TMEM132C: variants seen among roughly 807,000 people sequenced by gnomAD.
TMEM132C encodes the protein transmembrane protein 132C, also known as protein phosphatase 1, regulatory subunit 152.
Under a neutral mutation model 61.4 loss-of-function variants are expected in TMEM132C, and 29 were observed. That is an observed-to-expected ratio of 0.47 (90% CI 0.35 to 0.64). The LOEUF (loss-of-function observed/expected upper bound fraction) is 0.64, where lower values mean the gene tolerates loss of function less well. Ranked by LOEUF, TMEM132C falls within the 30% of genes least tolerant of loss-of-function variation. TMEM132C has a pLI of 0.00. For synonymous variants in TMEM132C, 656 were observed against 633.1 expected (o/e 1.04, Z -0.54); for missense variants, 1,408 against 1,476.9 (o/e 0.95, Z 0.76).
chr12:128,683,461 G>A (rs772679309), intron 5 of TMEM132C, among the ~76,000 whole-genome samples: 2 of 152,126 alleles, frequency 1.3e-5, no homozygotes, highest in African/African-American at 2.4e-5. Context: ...AGGCCCTCAC[G>A]CAGTGTAAGT....
At position 128,290,957 on chromosome 12, in the gene TMEM132C, C is replaced by A. The variant is rs569137645; in HGVS notation, c.85+23470C>A. On this transcript the variant is annotated intron_variant, in intron 1 of 8. Transcript: ENST00000435159. ...GAATTCTGATGTATACATATCCCAC[C>A]CCTCCCAGTTGAGAATTGCTGGTCC... Among the ~76,000 whole-genome samples the A allele has an allele frequency of 7.2e-4, 110 of 152,194 alleles. 1 individual carries two copies. Among genetic ancestry groups the A allele is most frequent in the African/African-American group, 2.6e-3 (107 of 41,528 alleles).
rs192316688 is a variant in TMEM132C at position 128,420,717 on chromosome 12, A to C, written c.974+5097A>C. On this transcript the variant is annotated intron_variant, in intron 2 of 8. Transcript: ENST00000435159. ...ATTAAATTTAAAGCTAGGACTGATGAGATTTGTGGGCACACTTGTGTGAAG... is the reference window on the plus strand; with the variant it reads ...ATTAAATTTAAAGCTAGGACTGATGCGATTTGTGGGCACACTTGTGTGAAG... Among the ~76,000 whole-genome samples, 449 of 152,252 alleles carry C rather than the reference A, an allele frequency of 2.9e-3. 1 individual carries two copies. Among genetic ancestry groups the C allele is most frequent in the Middle Eastern group, 0.027 (8 of 294 alleles).
rs995487561 is a variant in TMEM132C at position 128,278,649 on chromosome 12, T to C, written c.85+11162T>C. ...AAGCCTACAAACATCAGCTTTTTAC[T>C]AAACCCCGGTGGTCAGGGTGTCCAT... On this transcript the variant is annotated intron_variant, in intron 1 of 8. Coordinates refer to ENST00000435159, the MANE Select transcript of TMEM132C (RefSeq NM_001136103.3). The surrounding 1 kb of genome is among the most constrained non-coding windows in gnomAD (Gnocchi z 4.2). Among the ~76,000 whole-genome samples, 7 of 152,158 alleles carry C rather than the reference T, an allele frequency of 4.6e-5. 1 individual carries two copies. Among genetic ancestry groups the C allele is most frequent in the African/African-American group, 1.7e-4 (7 of 41,424 alleles).
chr12:128,401,548 G>A (rs1219914359), intron 1 of TMEM132C, among the ~76,000 whole-genome samples: 1 of 152,180 alleles, frequency 6.6e-6, no homozygotes, highest in African/African-American at 2.4e-5. Flanking sequence ...ATGCAGATTG[G>A]ACATTGTGAT....
intron 1 of TMEM132C, among the ~76,000 whole-genome samples, chr12:128,375,051 G>T (rs1874151744): frequency 6.6e-6 from 1 of 151,786 alleles, no homozygotes; most frequent in Admixed American, 6.6e-5. Flanking sequence ...GGGGTGGGGG[G>T]TATCCTGTGT....
intron 1 of TMEM132C, among the ~76,000 whole-genome samples, chr12:128,296,122 G>A (rs1871407128): frequency 6.6e-6 from 1 of 152,162 alleles, no homozygotes; most frequent in Non-Finnish European, 1.5e-5. Context: ...GATTTGAGAT[G>A]CAAAGCTTTT....
intron 2 of TMEM132C, among the ~76,000 whole-genome samples, chr12:128,513,889 G>A (rs973591585): frequency 3.9e-5 from 6 of 152,134 alleles, no homozygotes; most frequent in Non-Finnish European, 7.3e-5. Flanking sequence ...TGATCAAGAC[G>A]GAGCCTGTTC....
intron 3 of TMEM132C, among the ~76,000 whole-genome samples, chr12:128,567,473 C>T (rs1874741369): frequency 6.9e-6 from 1 of 145,158 alleles, no homozygotes; most frequent in African/African-American, 2.7e-5. Flanking sequence ...CACACACACA[C>T]ACAACTGGTA....
chr12:128,683,538 G>A (rs760253481), intron 5 of TMEM132C, among the ~76,000 whole-genome samples: 31 of 152,282 alleles, frequency 2.0e-4, no homozygotes, highest in South Asian at 1.2e-3. Flanking sequence ...ACTCCTGTTC[G>A]CTGTGAGACC....
At chr12:128,340,856 T>TCTTCCTTC (rs761084729) in intron 1 of TMEM132C, among the ~76,000 whole-genome samples, 57 of 147,370 alleles carry the variant, frequency 3.9e-4, no homozygotes, top group Admixed American at 6.0e-4. Flanking sequence ...TCTCTTTCTT[T>TCTTCCTTC]CTTCCTTCCT....
At chr12:128,299,716 G>A (rs1335260366) in intron 1 of TMEM132C, among the ~76,000 whole-genome samples, 2 of 152,196 alleles carry the variant, frequency 1.3e-5, no homozygotes, top group Non-Finnish European at 2.9e-5. Context: ...GTCACCTTAA[G>A]GTAAAGGTTT....
chr12:128,408,094 A>T (rs1341367071), intron 1 of TMEM132C, among the ~76,000 whole-genome samples: 1 of 152,174 alleles, frequency 6.6e-6, no homozygotes, highest in Non-Finnish European at 1.5e-5. Flanking sequence ...ATGAGGCTCA[A>T]CAGGAAGGGA....
intron 2 of TMEM132C, among the ~76,000 whole-genome samples, chr12:128,436,961 C>A (rs1312516864): frequency 8.5e-5 from 13 of 152,126 alleles, no homozygotes; most frequent in African/African-American, 3.1e-4. Context: ...GAATACTATG[C>A]AGCCATAAAA....
chr12:128,409,895 C>G (rs1166775971), intron 1 of TMEM132C, among the ~76,000 whole-genome samples: 2 of 152,066 alleles, frequency 1.3e-5, no homozygotes, highest in Non-Finnish European at 2.9e-5. Context: ...AGAAAGAAGA[C>G]GATGATGACA....
chr12:128,634,970 A>G lies in TMEM132C; in HGVS notation c.1305+18635A>G, dbSNP rs145184833. On this transcript the variant is annotated intron_variant, in intron 4 of 8. Transcript: ENST00000435159. ...GCAGTAGATAGTTCCTTTTCTAAGT[A>G]TAACTGTCAGGCAGCTGTAGGGAAG... 2.7e-3 allele frequency among the ~76,000 whole-genome samples: 411 copies of G among 152,348 alleles called. 3 individuals are homozygous for G. The highest frequency in any genetic ancestry group is 9.3e-3 in the African/African-American group (385 of 41,580).
At chr12:128,671,124 A>C (rs1034776338) in intron 5 of TMEM132C, among the ~76,000 whole-genome samples, 3 of 152,360 alleles carry the variant, frequency 2.0e-5, no homozygotes, top group South Asian at 2.1e-4. Flanking sequence ...TTTTATTGGG[A>C]CATAGCCACT....
At chr12:128,623,397 G>A (rs770002609) in intron 4 of TMEM132C, among the ~76,000 whole-genome samples, 3 of 149,842 alleles carry the variant, frequency 2.0e-5, no homozygotes, top group African/African-American at 7.4e-5. Context: ...ATGTACCCTA[G>A]AACTTAAAGT....
chr12:128,607,483 C>G (rs532168745), intron 3 of TMEM132C, among the ~76,000 whole-genome samples: 5 of 151,994 alleles, frequency 3.3e-5, no homozygotes, highest in Non-Finnish European at 7.4e-5. Context: ...GGGTTAGGGC[C>G]GAAATGGGCA....
At chr12:128,552,812 G>A (rs914762288) in intron 3 of TMEM132C, among the ~76,000 whole-genome samples, 9 of 152,108 alleles carry the variant, frequency 5.9e-5, no homozygotes, top group African/African-American at 2.2e-4. Context: ...GGAGGCTAAG[G>A]CAGGAGAATG....
Sources: allele counts gnomAD v4.1 joint callset (sites outside exome capture counted in the v4.1 genomes callset), GRCh38; gene constraint gnomAD v4.1.1; non-coding constraint Gnocchi (gnomAD v3.1); transcripts MANE v1.5; gene names NCBI Gene and HGNC (gene_info 2026-07-23, HGNC 2026-07-21).